FBLN2: variants seen among roughly 807,000 people sequenced by gnomAD.
FBLN2 encodes fibulin-2.
FBLN2 carries 81 observed loss-of-function variants against 123.7 expected under a neutral mutation model. The ratio of observed to expected loss-of-function variants is 0.65; its 90% CI spans 0.55 to 0.79. FBLN2 has a LOEUF of 0.79. Among genes scored for constraint, FBLN2 ranks in the 30% least tolerant of loss-of-function variants. The pLI is 0.00. For missense variants in FBLN2, 1,603 were observed against 1,681.3 expected (o/e 0.95, Z 0.81); for synonymous variants, 699 against 701.4 (o/e 1.00, Z 0.05).
At chr3:13,586,751 C>T (rs1365349001) in intron 2 of FBLN2, among the ~76,000 whole-genome samples, 1 of 150,494 alleles carries the variant, frequency 6.6e-6, no homozygotes, top group South Asian at 2.1e-4. Context: ...TCAGGCAATC[C>T]GCCTGTCTCA....
At chr3:13,591,524 G>A (rs1207123662) in intron 2 of FBLN2, among the ~76,000 whole-genome samples, 1 of 152,206 alleles carries the variant, frequency 6.6e-6, no homozygotes, top group African/African-American at 2.4e-5. Flanking sequence ...CTGACCTCAA[G>A]TGATCCACCT....
chr3:13,598,268 A>C (rs545885606), intron 2 of FBLN2, among the ~76,000 whole-genome samples: 39 of 152,222 alleles, frequency 2.6e-4, no homozygotes, highest in Non-Finnish European at 4.7e-4. Context: ...TTTGCCATGC[A>C]ATGAGTCTTA....
At chr3:13,561,192 C>A (rs1703590505) in intron 1 of FBLN2, among the ~76,000 whole-genome samples, 1 of 152,146 alleles carries the variant, frequency 6.6e-6, no homozygotes, top group African/African-American at 2.4e-5. Flanking sequence ...GCTTAGATTT[C>A]ACCAGGTTTT....
chr3:13,614,205 G>A (rs1705501116), intron 5 of FBLN2, 41 bp downstream of exon 5: 1 of 1,587,174 alleles, frequency 6.3e-7, no homozygotes, highest in Non-Finnish European at 8.5e-7. Context: ...ATAGGGCGAA[G>A]GCTGGTTGAC....
Position 13,570,965 on chromosome 3 carries a change from G to A in FBLN2, c.610G>A (p.Ala204Thr). The change falls in exon 2 of 18, where the codon GCC (alanine) becomes ACC (threonine). Residue 204 changes from alanine to threonine, a missense_variant. Physicochemically the swap from Ala to Thr is moderately conservative, Grantham distance 58. Transcript: ENST00000404922. The stretch of plus-strand genomic sequence containing the variant: ...CCCCTACAGCTATGACCAGGAGGTG[G>A]CCGAGGTGGAAGCAGCAACAGCCCT... ...EDPYSYDQEV[A>T]EVEAATALGG... The A allele has an allele frequency of 6.2e-7, 1 of 1,611,788 alleles. No individual in the cohort carries two copies. Among genetic ancestry groups the A allele is most frequent in the South Asian group, 1.1e-5 (1 of 90,648 alleles).
At chr3:13,594,302 T>C (rs1040640762) in intron 2 of FBLN2, among the ~76,000 whole-genome samples, 1 of 151,868 alleles carries the variant, frequency 6.6e-6, no homozygotes, top group Admixed American at 6.6e-5. Context: ...CTGGGGGTGG[T>C]GCTGGGCAGG....
At chr3:13,571,807 G>A (rs1703970584) in intron 2 of FBLN2, 146 bp downstream of exon 2, 1 of 834,666 alleles carries the variant, frequency 1.2e-6, no homozygotes, top group Non-Finnish European at 1.8e-6. Context: ...CCCTTGGTTT[G>A]GGCAGGAGGC....
At chr3:13,605,683 G>A (rs773456143) in intron 2 of FBLN2, among the ~76,000 whole-genome samples, 8 of 152,048 alleles carry the variant, frequency 5.3e-5, no homozygotes, top group Admixed American at 1.3e-4. Flanking sequence ...GTTGTGTTAC[G>A]GGCTGTCGTG....
intron 14 of FBLN2, 53 bp from the exon 15 acceptor site, chr3:13,630,646 C>T: frequency 6.9e-7 from 1 of 1,438,916 alleles, no homozygotes. Context: ...TTTGGATGGG[C>T]TCTCCAAGGC....
chr3:13,637,768 T>C lies in FBLN2; in HGVS notation c.3545T>C (p.Leu1182Pro). 2 of 1,613,906 alleles carry C rather than the reference T, an allele frequency of 1.2e-6. No individual in the cohort carries two copies. The highest frequency in any genetic ancestry group is 1.7e-6 in the Non-Finnish European group (2 of 1,179,810). ...NEEGYFGTRR[L>P]NAYTGVVYLQ... ...GAGGGCTACTTTGGCACGCGCAGGC[T>C]CAATGCCTACACGGGTGTGGTCTAC... Residue 1182 changes from leucine to proline, a missense_variant, in exon 18 of 18, where the codon CTC (leucine) becomes CCC (proline). Leu to Pro is a moderately conservative substitution (Grantham distance 98). Transcript: ENST00000404922.
Position 13,577,092 on chromosome 3 carries a change from A to G in FBLN2, c.1306+5431A>G, listed in dbSNP as rs1202298999. ...ACAAAAATTAGCTGGGTGTGGTGGT[A>G]GGCACCTGTAATCCCAGCTACTCAG... is the stretch of plus-strand genomic sequence containing the variant. On this transcript the variant is annotated intron_variant, in intron 2 of 17. Transcript: ENST00000404922. Among the ~76,000 whole-genome samples the G allele has an allele frequency of 3.9e-5, 6 of 151,974 alleles. 1 individual carries two copies. The highest frequency in any genetic ancestry group is 8.8e-5 in the Non-Finnish European group (6 of 67,958).
chr3:13,606,865 C>T (rs774397695), intron 2 of FBLN2, among the ~76,000 whole-genome samples: 6 of 151,846 alleles, frequency 4.0e-5, no homozygotes, highest in African/African-American at 1.5e-4. Context: ...GTTGGTCAGG[C>T]TGGTCTCAAA....
chr3:13,599,170 C>A (rs1322613019), intron 2 of FBLN2, among the ~76,000 whole-genome samples: 1 of 152,136 alleles, frequency 6.6e-6, no homozygotes, highest in Non-Finnish European at 1.5e-5. Context: ...TGTGGAAGGC[C>A]AGGGCATTGT....
intron 9 of FBLN2, among the ~76,000 whole-genome samples, chr3:13,622,955 A>G (rs1324777334): frequency 1.3e-5 from 2 of 152,258 alleles, no homozygotes; most frequent in Non-Finnish European, 2.9e-5. Context: ...AAATAAAGGT[A>G]TAGAAGTAGG....
intron 2 of FBLN2, among the ~76,000 whole-genome samples, chr3:13,586,408 C>T (rs1425609533): frequency 6.6e-6 from 1 of 151,622 alleles, no homozygotes; most frequent in East Asian, 1.9e-4. Context: ...TGGTCGTGAA[C>T]TCCTGACCTC....
intron 4 of FBLN2, among the ~76,000 whole-genome samples, chr3:13,611,788 G>A (rs1158439914): frequency 6.6e-6 from 1 of 152,226 alleles, no homozygotes; most frequent in African/African-American, 2.4e-5. Context: ...CTGTAGTTCT[G>A]CTTAGATTTC....
intron 2 of FBLN2, among the ~76,000 whole-genome samples, chr3:13,587,144 C>CAAA (rs57120285): frequency 2.8e-5 from 2 of 70,934 alleles, no homozygotes; most frequent in Non-Finnish European, 6.5e-5. Flanking sequence ...GACTCCGTCT[C>CAAA]AAAAAAAAAA....
At chr3:13,578,883 C>T (rs200600835) in intron 2 of FBLN2, among the ~76,000 whole-genome samples, 2 of 151,814 alleles carry the variant, frequency 1.3e-5, no homozygotes, top group Non-Finnish European at 2.9e-5. Flanking sequence ...GGAGAAACCC[C>T]GTTTCTACTA....
At chr3:13,613,065 T>G (rs1446244541) in intron 4 of FBLN2, among the ~76,000 whole-genome samples, 1 of 152,212 alleles carries the variant, frequency 6.6e-6, no homozygotes, top group African/African-American at 2.4e-5. Context: ...ATGACTTGTT[T>G]CTGCTCCCTG....
Sources: allele counts gnomAD v4.1 joint callset (sites outside exome capture counted in the v4.1 genomes callset), GRCh38; gene constraint gnomAD v4.1.1; transcripts MANE v1.5; gene names NCBI Gene and HGNC (gene_info 2026-07-23, HGNC 2026-07-21).